Variants in TPX2 observed in about 807,000 individuals in gnomAD.
TPX2 encodes the protein targeting protein for Xklp2.
A neutral mutation model predicts 93.6 loss-of-function variants in TPX2; 21 were observed. That is an observed-to-expected ratio of 0.22 (90% confidence interval 0.16 to 0.32). TPX2 has a LOEUF of 0.32. Among genes scored for constraint, TPX2 ranks in the 10% least tolerant of loss-of-function variants. The probability of loss-of-function intolerance (pLI) is 1.00; values close to 1 mark genes in which losing one functional copy is unlikely to be tolerated. For synonymous variants in TPX2, 281 were observed against 298.3 expected (o/e 0.94, Z 0.60); for missense variants, 776 against 871.1 (o/e 0.89, Z 1.37).
In TPX2 at chr20:31,794,632, G is replaced by A; in HGVS notation, c.1833+84G>A. On this transcript the variant is annotated intron_variant, in intron 15 of 17. Coordinates refer to ENST00000300403, the MANE Select transcript of TPX2 (RefSeq NM_012112.5). ...AGACCCACCATACTGAAATCACCTG[G>A]GTTAACATGCTACATTGTTTCAGGG... The A allele has an allele frequency of 9.9e-6, 15 of 1,515,570 alleles. No homozygotes were observed. In the South Asian group the frequency reaches 1.8e-4, roughly 18 times the overall value. 93.9% of individuals were successfully genotyped at this position (1,515,570 alleles called of 1,614,324 possible). A position where few individuals can be genotyped will look rare whatever the true frequency, so the allele number is the denominator to read the frequency against.
intron 7 of TPX2, among the ~76,000 whole-genome samples, chr20:31,774,669 T>C (rs1600378409): frequency 6.6e-6 from 1 of 152,296 alleles, no homozygotes; most frequent in African/African-American, 2.4e-5. Context: ...AATGACAGGG[T>C]TGGGATTTAG....
At chr20:31,754,424 G>C (rs2061839303) in intron 2 of TPX2, among the ~76,000 whole-genome samples, 4 of 152,142 alleles carry the variant, frequency 2.6e-5, no homozygotes. Flanking sequence ...GAGAAGCTGT[G>C]AAATGCTGGC....
chr20:31,741,535 A>G (rs1307428118), intron 1 of TPX2, among the ~76,000 whole-genome samples: 2 of 150,786 alleles, frequency 1.3e-5, no homozygotes, highest in African/African-American at 4.9e-5. Flanking sequence ...CTGGAGTGCA[A>G]TGGTGCGCTC....
At position 31,777,512 on chromosome 20, in the gene TPX2, C is replaced by T. The variant is rs142446283; in HGVS notation, c.756C>T (p.Ser252=). 143 of 1,613,768 alleles carry T rather than the reference C, an allele frequency of 8.9e-5. No individual in the cohort carries two copies. Among genetic ancestry groups the T allele is most frequent in the Non-Finnish European group, 1.1e-4 (130 of 1,179,874 alleles). The change falls in exon 9 of 18, where the codon AGC becomes AGT. Residue 252 remains serine, a synonymous_variant. Coordinates refer to ENST00000300403, the MANE Select transcript of TPX2 (RefSeq NM_012112.5). ...GIGQPVKKSV[S]QVTKSVDFHF... ...GGCAACCTGTGAAGAAATCAGTGAGCCAGGTCACCAAATCAGTTGACTTCC... is the reference window on the plus strand; with the variant it reads ...GGCAACCTGTGAAGAAATCAGTGAGTCAGGTCACCAAATCAGTTGACTTCC...
chr20:31,768,545 G>A (rs1344920550), intron 5 of TPX2, among the ~76,000 whole-genome samples: 3 of 151,850 alleles, frequency 2.0e-5, no homozygotes, highest in Non-Finnish European at 2.9e-5. Context: ...GTGCCCGGCC[G>A]GAAAGATTTC....
In TPX2 at chr20:31,766,457, G is replaced by GTGTGTGTGTGTGTGTGTGTGTA. The variant is rs1211110610; in HGVS notation, c.230-78_230-77insATGTGTGTGTGTGTGTGTGTGT. The GTGTGTGTGTGTGTGTGTGTGTA allele has an allele frequency of 6.0e-4, 357 of 598,614 alleles. 1 individual carries two copies. The Middle Eastern group carries it at 0.012, about 20-fold the overall frequency. The allele number at this position is 598,614 out of a possible 1,614,324, so 37.1% of individuals were successfully genotyped here. A position where few individuals can be genotyped will look rare whatever the true frequency, so the allele number is the denominator to read the frequency against. The stretch of plus-strand genomic sequence containing the variant: ...AAGGTTTCTGTGGCTTAGACAGGGT[G>GTGTGTGTGTGTGTGTGTGTGTA]TGTGTGTGTGTGTGTGTGTGTGTGT... On this transcript the variant is annotated intron_variant, in intron 4 of 17. Coordinates refer to ENST00000300403, the MANE Select transcript of TPX2 (RefSeq NM_012112.5).
At chr20:31,754,796 A>G (rs1279380822) in intron 2 of TPX2, among the ~76,000 whole-genome samples, 1 of 152,198 alleles carries the variant, frequency 6.6e-6, no homozygotes, top group Non-Finnish European at 1.5e-5. Context: ...GAACAGATAC[A>G]GCCATTAATT....
rs1375958820 is a variant in TPX2 at position 31,757,405 on chromosome 20, A to G, written c.-70-2A>G. 9 of 1,242,452 alleles carry G rather than the reference A, an allele frequency of 7.2e-6. No individual in the cohort carries two copies. The Admixed American group carries it at 1.8e-4, about 25-fold the overall frequency. 77.0% of individuals were successfully genotyped at this position (1,242,452 alleles called of 1,614,324 possible). A position where few individuals can be genotyped will look rare whatever the true frequency, so the allele number is the denominator to read the frequency against. On this transcript the variant is annotated splice_acceptor_variant, in intron 2 of 17. Transcript: ENST00000300403. LOFTEE classifies it low-confidence loss of function (5UTR_SPLICE). ...TTTATGTGCAACCATTTCTTTCCTC[A>G]GAAGGTGACCTGCTGAGAAAAGTGG...
rs571007342 is a variant in TPX2 at position 31,786,191 on chromosome 20, G to T, written c.1413+2270G>T. Among the ~76,000 whole-genome samples, 188 of 152,078 alleles carry T rather than the reference G, an allele frequency of 1.2e-3. 1 individual carries two copies. The highest frequency in any genetic ancestry group is 4.4e-3 in the African/African-American group (183 of 41,490). On this transcript the variant is annotated intron_variant, in intron 12 of 17. Coordinates refer to ENST00000300403, the MANE Select transcript of TPX2 (RefSeq NM_012112.5). ...AGGAAACATAGAGGTTAAATAACTT[G>T]CCCAAAATCACAAACTAGTGAGCGG...
chr20:31,771,843 A>T (rs2061966117), intron 7 of TPX2, among the ~76,000 whole-genome samples, 161 bp downstream of exon 7: 1 of 151,910 alleles, frequency 6.6e-6, no homozygotes, highest in African/African-American at 2.4e-5. Context: ...TCAGATTTTT[A>T]AATTTTTATT....
intron 2 of TPX2, among the ~76,000 whole-genome samples, chr20:31,754,611 C>T (rs2061840462): frequency 6.6e-6 from 1 of 152,124 alleles, no homozygotes; most frequent in African/African-American, 2.4e-5. Flanking sequence ...TTCTGAGGGA[C>T]ATTTTCACAG....
chr20:31,778,040 G>T (rs1002659031), intron 9 of TPX2, among the ~76,000 whole-genome samples: 3 of 152,128 alleles, frequency 2.0e-5, no homozygotes, highest in Admixed American at 2.0e-4. Context: ...CTCCCAAAGT[G>T]CTGGGATTAC....
At position 31,776,375 on chromosome 20, in the gene TPX2, C is replaced by T. The variant is rs532919834; in HGVS notation, c.730+387C>T. The stretch of plus-strand genomic sequence containing the variant: ...GATTACAGGCGTGAGCCACCGCACC[C>T]GGCCAGTAGGTGTTTTTGAAGTCTC... On this transcript the variant is annotated intron_variant, in intron 8 of 17. Transcript: ENST00000300403. Among the ~76,000 whole-genome samples the T allele has an allele frequency of 1.3e-4, 19 of 151,660 alleles. No individual in the cohort carries two copies. The East Asian group carries it at 3.1e-3, about 25-fold the overall frequency.
intron 15 of TPX2, 33 bp downstream of exon 15, chr20:31,794,581 T>C: frequency 1.2e-6 from 2 of 1,608,164 alleles, no homozygotes; most frequent in Non-Finnish European, 1.7e-6. Flanking sequence ...AAAATGTTAA[T>C]TGCTTGGTTG....
Position 31,777,478 on chromosome 20 carries a change from A to G in TPX2, c.731-9A>G, listed in dbSNP as rs201509296. On this transcript the variant is annotated splice_polypyrimidine_tract_variant and intron_variant, in intron 8 of 17. Transcript: ENST00000300403. ...GTTGTCTGTATGTTTTACTGTGTTC[A>G]TCTCTCAGGGCAACCTGTGAAGAAA... 994 of 1,613,112 alleles carry G rather than the reference A, an allele frequency of 6.2e-4. 1 individual carries two copies. Among genetic ancestry groups the G allele is most frequent in the Non-Finnish European group, 7.9e-4 (934 of 1,179,446 alleles).
intron 5 of TPX2, 44 bp from the exon 6 acceptor site, chr20:31,770,299 A>G: frequency 1.5e-6 from 2 of 1,333,272 alleles, no homozygotes; most frequent in South Asian, 3.7e-5. Flanking sequence ...GGATATCTGT[A>G]GTATATATAT....
chr20:31,783,903 G>A lies in TPX2; in HGVS notation c.1395G>A (p.Lys465=), dbSNP rs749158807. Residue 465 remains lysine, a synonymous_variant, in exon 12 of 18, where the codon AAG becomes AAA. Transcript: ENST00000300403. ...TTCATTCCAGACCTTGCCCTACTAA[G>A]ATTTTGGAAGATGTTGTGGTAAGGT... The part of the protein sequence containing the change: ...FEFHSRPCPT[K]ILEDVVGVPE... 6.2e-7 allele frequency: 1 copy of A among 1,612,996 alleles called. No homozygotes were observed. Among genetic ancestry groups the A allele is most frequent in the Admixed American group, 1.7e-5 (1 of 59,620 alleles).
chr20:31,756,426 G>A (rs1318354154), intron 2 of TPX2, among the ~76,000 whole-genome samples: 3 of 152,000 alleles, frequency 2.0e-5, no homozygotes, highest in African/African-American at 7.2e-5. Flanking sequence ...AAAAATTAGT[G>A]GTGTATTTTA....
chr20:31,747,027 C>T (rs908897699), intron 2 of TPX2, among the ~76,000 whole-genome samples: 3 of 152,044 alleles, frequency 2.0e-5, no homozygotes, highest in Non-Finnish European at 4.4e-5. Context: ...TTCCAGAGCG[C>T]TCTCTGTTAA....
Sources: gnomAD v4.1 joint callset for allele counts (sites outside exome capture counted in the v4.1 genomes callset) on GRCh38, gnomAD v4.1.1 for gene constraint, MANE v1.5 for transcripts, NCBI Gene and HGNC (gene_info 2026-07-23, HGNC 2026-07-21) for gene names.